AFF3: variants seen among roughly 807,000 people sequenced by gnomAD.
The protein encoded by AFF3 is ALF transcription elongation factor 3, also known as AF4/FMR2 family member 3.
Under a neutral mutation model 129.7 loss-of-function variants are expected in AFF3, and 32 were observed. That is an observed-to-expected ratio of 0.25 (90% CI 0.19 to 0.33). AFF3 has a LOEUF of 0.33. AFF3 is among the 10% of genes least tolerant of loss of function. The probability of loss-of-function intolerance (pLI) is 1.00; values close to 1 mark genes in which losing one functional copy is unlikely to be tolerated. For missense variants in AFF3, 1,373 were observed against 1,592.0 expected (o/e 0.86, Z 2.34); for synonymous variants, 644 against 635.4 (o/e 1.01, Z -0.20).
At chr2:99,969,362 T>G (rs1678111883) in intron 7 of AFF3, among the ~76,000 whole-genome samples, 1 of 152,248 alleles carries the variant, frequency 6.6e-6, no homozygotes, top group South Asian at 2.1e-4. Context: ...ACATATGGGA[T>G]GGAGTAAACT....
intron 7 of AFF3, among the ~76,000 whole-genome samples, chr2:99,868,708 C>A (rs1691633156): frequency 6.6e-6 from 1 of 152,184 alleles, no homozygotes; most frequent in Non-Finnish European, 1.5e-5. Context: ...GGTTACTATT[C>A]TCTGGGTGGT....
chr2:100,033,495 G>T (rs1009297360), intron 4 of AFF3, among the ~76,000 whole-genome samples: 1 of 152,130 alleles, frequency 6.6e-6, no homozygotes, highest in Admixed American at 6.5e-5. Context: ...CCATTTACCA[G>T]ATGGTAAATT....
At chr2:99,662,953 G>A (rs1686374101) in intron 12 of AFF3, among the ~76,000 whole-genome samples, 3 of 152,170 alleles carry the variant, frequency 2.0e-5, no homozygotes, top group Admixed American at 2.0e-4. Flanking sequence ...GACTCTGTGG[G>A]TAATAAATTT....
chr2:100,054,096 T>C (rs1230834347), intron 4 of AFF3, among the ~76,000 whole-genome samples: 1 of 152,046 alleles, frequency 6.6e-6, no homozygotes, highest in Non-Finnish European at 1.5e-5. Context: ...TAACACAACC[T>C]CTACACCTGC....
intron 14 of AFF3, among the ~76,000 whole-genome samples, chr2:99,599,672 C>G (rs558342630): frequency 6.6e-6 from 1 of 152,156 alleles, no homozygotes; most frequent in African/African-American, 2.4e-5. Context: ...CAAGGAGGAG[C>G]CTGGATGGAT....
Position 99,912,047 on chromosome 2 carries a change from G to A in AFF3, c.874-74523C>T, listed in dbSNP as rs558644686. Among the ~76,000 whole-genome samples, 3 of 152,224 alleles carry A rather than the reference G, an allele frequency of 2.0e-5. 1 individual carries two copies. The South Asian group carries it at 6.2e-4, about 32-fold the overall frequency. Reference sequence around the variant, plus strand: ...CCAAGCCTCTGAAACAGGATTCCTTGGCATGTGGAAGTAATTCAGAGATCA... The same window carrying A: ...CCAAGCCTCTGAAACAGGATTCCTTAGCATGTGGAAGTAATTCAGAGATCA... On this transcript the variant is annotated intron_variant, in intron 7 of 24. Coordinates refer to ENST00000672756, the MANE Select transcript of AFF3 (RefSeq NM_001386135.1).
chr2:100,134,530 A>G (rs1335441329), intron 1 of AFF3, among the ~76,000 whole-genome samples: 1 of 152,068 alleles, frequency 6.6e-6, no homozygotes, highest in African/African-American at 2.4e-5. Context: ...ATTTTCATTT[A>G]TACTTTATTT....
intron 7 of AFF3, among the ~76,000 whole-genome samples, chr2:99,874,090 T>C (rs1370766591): frequency 6.6e-6 from 1 of 152,048 alleles, no homozygotes; most frequent in Non-Finnish European, 1.5e-5. Context: ...GGCAGGAGAA[T>C]AGCGTGAACC....
chr2:99,924,807 T>A (rs113156066), intron 7 of AFF3, among the ~76,000 whole-genome samples: 1 of 152,080 alleles, frequency 6.6e-6, no homozygotes, highest in Non-Finnish European at 1.5e-5. Flanking sequence ...TAAAATGACA[T>A]ATAGAACCCA....
At chr2:99,634,286 C>A (rs942059261) in intron 13 of AFF3, among the ~76,000 whole-genome samples, 19 of 152,212 alleles carry the variant, frequency 1.2e-4, no homozygotes, top group African/African-American at 4.3e-4. Flanking sequence ...TGTGCATGCA[C>A]AGGTGAGGGA....
chr2:100,070,779 T>C (rs139823035), intron 4 of AFF3, among the ~76,000 whole-genome samples: 64 of 152,306 alleles, frequency 4.2e-4, no homozygotes, highest in African/African-American at 1.5e-3. Context: ...AAGTGTCAGC[T>C]CATGGTAGAT....
At chr2:99,611,166 T>C (rs1480010089) in intron 13 of AFF3, among the ~76,000 whole-genome samples, 1 of 152,234 alleles carries the variant, frequency 6.6e-6, no homozygotes, top group Non-Finnish European at 1.5e-5. Flanking sequence ...TTGTATTTTC[T>C]GTATTATTGT....
chr2:99,727,557 GA>G, intron 10 of AFF3, among the ~76,000 whole-genome samples: 1 of 117,736 alleles, frequency 8.5e-6, no homozygotes, highest in Non-Finnish European at 1.7e-5. Context: ...TTGGAGGAAA[GA>G]ATTTTTTTTT....
At chr2:99,615,437 C>T (rs1050915877) in intron 13 of AFF3, among the ~76,000 whole-genome samples, 3 of 152,212 alleles carry the variant, frequency 2.0e-5, no homozygotes, top group Non-Finnish European at 4.4e-5. Flanking sequence ...CACTTTCAGG[C>T]GGGTGGTACC....
chr2:99,611,377 T>A (rs1680903762), intron 13 of AFF3, among the ~76,000 whole-genome samples: 1 of 152,202 alleles, frequency 6.6e-6, no homozygotes, highest in Non-Finnish European at 1.5e-5. Flanking sequence ...TTTTCTATTG[T>A]ATTCTGAGCG....
chr2:99,751,464 CT>C (rs1681650399), intron 9 of AFF3, among the ~76,000 whole-genome samples: 1 of 152,138 alleles, frequency 6.6e-6, no homozygotes, highest in Non-Finnish European at 1.5e-5. Context: ...AAAAAATGCT[CT>C]TACTATACAA....
intron 18 of AFF3, among the ~76,000 whole-genome samples, chr2:99,576,467 G>A (rs1345375298): frequency 1.4e-5 from 2 of 146,810 alleles, no homozygotes; most frequent in African/African-American, 5.1e-5. Flanking sequence ...ACTGAGCCAT[G>A]CTCATACCAC....
In AFF3 at chr2:99,645,164, C is replaced by G. The variant is rs373023617; in HGVS notation, c.1184+4462G>C. On this transcript the variant is annotated intron_variant, in intron 13 of 24. Transcript: ENST00000672756. ...TGCCTGGGCAACATGGTGAAGCCCC[C>G]CCTCTACGAAAAGTCCAAAGATTAG... Among the ~76,000 whole-genome samples the G allele has an allele frequency of 1.5e-4, 23 of 152,156 alleles. 1 individual carries two copies. In the South Asian group the frequency reaches 1.7e-3, roughly 11 times the overall value.
At chr2:100,131,977 G>GTACA in intron 1 of AFF3, among the ~76,000 whole-genome samples, 1 of 152,182 alleles carries the variant, frequency 6.6e-6, no homozygotes, top group South Asian at 2.1e-4. Context: ...GCCTTGAGGG[G>GTACA]TACATTGCTC....
Sources: allele counts gnomAD v4.1 joint callset (sites outside exome capture counted in the v4.1 genomes callset), GRCh38; gene constraint gnomAD v4.1.1; transcripts MANE v1.5; gene names NCBI Gene and HGNC (gene_info 2026-07-23, HGNC 2026-07-21).